Variants in LRMDA observed in about 807,000 individuals in gnomAD.
LRMDA encodes the protein leucine rich melanocyte differentiation associated.
In LRMDA, 18 loss-of-function variants were observed where a neutral mutation model predicts 29.8. The observed-to-expected ratio is 0.60, with a 90% CI of 0.42 to 0.90. The LOEUF (loss-of-function observed/expected upper bound fraction) is 0.90. Ranked by LOEUF, LRMDA falls within the 40% of genes least tolerant of loss-of-function variation. The pLI is 0.00. For synonymous variants in LRMDA, 125 were observed against 109.4 expected, an observed-to-expected ratio of 1.14 and a Z score of -0.89; for missense variants, 273 against 273.9, an observed-to-expected ratio of 1.00 and a Z score of 0.02.
intron 6 of LRMDA, among the ~76,000 whole-genome samples, chr10:76,429,682 C>T (rs1307714355): frequency 1.3e-5 from 2 of 152,134 alleles, no homozygotes; most frequent in East Asian, 1.9e-4. Context: ...GGGAGCACAT[C>T]GTAAGATTTT....
At chr10:75,917,281 C>G (rs1845950170) in intron 2 of LRMDA, among the ~76,000 whole-genome samples, 2 of 152,148 alleles carry the variant, frequency 1.3e-5, no homozygotes, top group African/African-American at 4.8e-5. Context: ...AGAGGCAGCT[C>G]CAGTATTCTG....
At chr10:75,729,973 T>C (rs1460443567) in intron 2 of LRMDA, among the ~76,000 whole-genome samples, 1 of 152,088 alleles carries the variant, frequency 6.6e-6, no homozygotes, top group East Asian at 1.9e-4. Context: ...TTTTTAAATT[T>C]TTATTTGTAG....
chr10:75,621,981 C>CATTT (rs1418067407), intron 2 of LRMDA, among the ~76,000 whole-genome samples: 3 of 152,140 alleles, frequency 2.0e-5, no homozygotes, highest in African/African-American at 7.2e-5. Flanking sequence ...GGGTTTTAGC[C>CATTT]ATTTCTCTGA....
intron 2 of LRMDA, among the ~76,000 whole-genome samples, chr10:75,697,332 T>TC (rs1842247767): frequency 1.3e-5 from 2 of 151,768 alleles, no homozygotes; most frequent in South Asian, 4.2e-4. Flanking sequence ...TTTTTTTTTT[T>TC]TTAAAGTAGT....
intron 5 of LRMDA, among the ~76,000 whole-genome samples, chr10:76,277,737 A>C (rs780865866): frequency 6.6e-6 from 1 of 152,044 alleles, no homozygotes; most frequent in Non-Finnish European, 1.5e-5. Flanking sequence ...TTTACCCTCA[A>C]AGTTGCAGTT....
intron 2 of LRMDA, among the ~76,000 whole-genome samples, chr10:76,030,657 CGGA>C (rs1848134396): frequency 6.6e-6 from 1 of 152,158 alleles, no homozygotes; most frequent in Non-Finnish European, 1.5e-5. Context: ...GGCGTGGTGG[CGGA>C]AGCCTGTAGT....
intron 2 of LRMDA, among the ~76,000 whole-genome samples, chr10:75,598,093 G>A (rs72809437): frequency 3.2e-4 from 48 of 152,308 alleles, no homozygotes; most frequent in Non-Finnish European, 5.4e-4. Flanking sequence ...TAAATGACAC[G>A]TTGTTAGCAA....
intron 3 of LRMDA, among the ~76,000 whole-genome samples, chr10:76,036,706 A>T (rs1364452836): frequency 3.0e-4 from 46 of 152,070 alleles, no homozygotes; most frequent in Admixed American, 3.0e-3. Context: ...GGCCTAGGGG[A>T]CCCACGACAG....
At chr10:75,858,911 A>G (rs1267129739) in intron 2 of LRMDA, among the ~76,000 whole-genome samples, 2 of 152,224 alleles carry the variant, frequency 1.3e-5, no homozygotes, top group South Asian at 2.1e-4. Flanking sequence ...TCTTCTGTGA[A>G]TTTATATCCC....
intron 1 of LRMDA, among the ~76,000 whole-genome samples, chr10:75,433,122 G>C (rs1307150774): frequency 6.6e-6 from 1 of 152,084 alleles, no homozygotes; most frequent in Non-Finnish European, 1.5e-5. Context: ...ACTGCCTGGA[G>C]GGAGGGGCTG....
intron 2 of LRMDA, among the ~76,000 whole-genome samples, chr10:75,892,627 G>A (rs1231651742): frequency 6.6e-6 from 1 of 152,056 alleles, no homozygotes. Flanking sequence ...TTTTGGCTAT[G>A]GAAGGATGGT....
At chr10:75,952,830 C>T (rs1846599799) in intron 2 of LRMDA, among the ~76,000 whole-genome samples, 2 of 152,142 alleles carry the variant, frequency 1.3e-5, no homozygotes, top group South Asian at 4.1e-4. Context: ...TCTCGGCTCA[C>T]TGCAACCTCC....
chr10:76,128,296 T>C (rs932853962), intron 5 of LRMDA, among the ~76,000 whole-genome samples: 19 of 152,174 alleles, frequency 1.2e-4, no homozygotes, highest in Non-Finnish European at 2.5e-4. Flanking sequence ...TCCGCCGCAG[T>C]GTTCCTGCTG....
At chr10:75,937,271 C>G (rs563651364) in intron 2 of LRMDA, among the ~76,000 whole-genome samples, 196 of 152,294 alleles carry the variant, frequency 1.3e-3, no homozygotes, top group Admixed American at 3.3e-3. Flanking sequence ...AAGCTCCACC[C>G]TAAATGAAAA....
chr10:76,347,141 A>G (rs1166729426), intron 6 of LRMDA, among the ~76,000 whole-genome samples: 1 of 152,234 alleles, frequency 6.6e-6, no homozygotes, highest in Non-Finnish European at 1.5e-5. Flanking sequence ...TGATTCTTGC[A>G]TATCCCCTTT....
At chr10:76,075,489 C>G (rs767973750) in intron 5 of LRMDA, among the ~76,000 whole-genome samples, 4 of 152,206 alleles carry the variant, frequency 2.6e-5, no homozygotes, top group African/African-American at 7.2e-5. Flanking sequence ...GTTATTTAAG[C>G]CACCCAATCA....
At chr10:76,442,801 C>G (rs1312513679) in intron 6 of LRMDA, among the ~76,000 whole-genome samples, 1 of 152,112 alleles carries the variant, frequency 6.6e-6, no homozygotes, top group Non-Finnish European at 1.5e-5. Context: ...GTTTGCTGAG[C>G]TTCTGCGACA....
chr10:75,695,566 C>T (rs1412309802), intron 2 of LRMDA, among the ~76,000 whole-genome samples: 2 of 152,052 alleles, frequency 1.3e-5, no homozygotes, highest in South Asian at 4.2e-4. Flanking sequence ...GTATCTCCCT[C>T]CCCCTCCCTT....
At chr10:76,523,279 G>A (rs938748160) in intron 6 of LRMDA, among the ~76,000 whole-genome samples, 13 of 152,072 alleles carry the variant, frequency 8.5e-5, no homozygotes, top group African/African-American at 3.1e-4. Context: ...CCTCCCCAAA[G>A]TGGCTTGTGT....
Sources: gnomAD v4.1 joint callset for allele counts (sites outside exome capture counted in the v4.1 genomes callset) on GRCh38, gnomAD v4.1.1 for gene constraint, MANE v1.5 for transcripts, NCBI Gene and HGNC (gene_info 2026-07-23, HGNC 2026-07-21) for gene names.